The following CASZ1 variants were observed in gnomAD, a reference collection of about 807,000 sequenced individuals.
CASZ1 encodes zinc finger protein castor homolog 1.
CASZ1 carries 28 observed loss-of-function variants against 135.2 expected under a neutral mutation model. That is an observed-to-expected ratio of 0.21 (90% CI 0.15 to 0.28). The LOEUF (loss-of-function observed/expected upper bound fraction) is 0.28, where lower values mean the gene tolerates loss of function less well. CASZ1 is among the 10% of genes least tolerant of loss of function. The probability of loss-of-function intolerance (pLI) is 1.00; values close to 1 mark genes in which losing one functional copy is unlikely to be tolerated. For missense variants in CASZ1, 2,161 were observed against 2,453.3 expected, an observed-to-expected ratio of 0.88 and a Z score of 2.52; for synonymous variants, 1,068 against 1,073.4, an observed-to-expected ratio of 0.99 and a Z score of 0.10.
rs994964663 is a variant in CASZ1, at chr1:10,755,685, G to A, written c.-77+5016C>T. ...AGGAAGGAGGCCCAGGCTGGGGTTCGGCACCACCAGGTGGAACACTTGCCC... is the reference window on the plus strand; with the variant it reads ...AGGAAGGAGGCCCAGGCTGGGGTTCAGCACCACCAGGTGGAACACTTGCCC... On this transcript the variant is annotated intron_variant, in intron 2 of 20. Transcript: ENST00000377022. The surrounding 1 kb of genome is among the most constrained non-coding windows in gnomAD (Gnocchi z 4.3). Among the ~76,000 whole-genome samples, 4 of 152,092 alleles carry A rather than the reference G, an allele frequency of 2.6e-5. No individual in the cohort carries two copies. Among genetic ancestry groups the A allele is most frequent in the East Asian group, 1.9e-4 (1 of 5,176 alleles).
In CASZ1 at chr1:10,697,045, C is replaced by T. The variant is rs1638948884; in HGVS notation, c.-23-3133G>A. Among the ~76,000 whole-genome samples the T allele has an allele frequency of 6.6e-6, 1 of 152,216 alleles. No individual in the cohort carries two copies. The highest frequency in any genetic ancestry group is 2.1e-4 in the South Asian group (1 of 4,832). ...GGAAAGCCTCCACTCTGTCAAGTCC[C>T]TGGCCAGGTAGCCACAGGCTGAGTG... On this transcript the variant is annotated intron_variant, in intron 3 of 20. Transcript: ENST00000377022. This position sits in a 1 kb window ranked among gnomAD's most constrained non-coding sequence, Gnocchi z 4.7.
intron 2 of CASZ1, among the ~76,000 whole-genome samples, chr1:10,715,827 A>AC (rs1557527888): frequency 2.6e-5 from 2 of 77,330 alleles, no homozygotes; most frequent in African/African-American, 6.2e-5. Flanking sequence ...TCCAATCCGC[A>AC]CCTACAGCAC....
At chr1:10,728,304 C>A (rs1639633609) in intron 2 of CASZ1, among the ~76,000 whole-genome samples, 1 of 152,242 alleles carries the variant, frequency 6.6e-6, no homozygotes, top group Admixed American at 6.5e-5. Context: ...CATGGGACCA[C>A]CCTCCCGCCC....
rs979565650 is a variant in CASZ1 at position 10,759,820 on chromosome 1, C to G, written c.-77+881G>C. On this transcript the variant is annotated intron_variant, in intron 2 of 20. Coordinates refer to ENST00000377022, the MANE Select transcript of CASZ1 (RefSeq NM_001079843.3). This position sits in a 1 kb window ranked among gnomAD's most constrained non-coding sequence, Gnocchi z 4.2. ...ACACATAGGAAGAGCAGCCCCCGGCCCTGCCCTCCCCAGACATCCTCTAGG... is the reference window on the plus strand; with the variant it reads ...ACACATAGGAAGAGCAGCCCCCGGCGCTGCCCTCCCCAGACATCCTCTAGG... Among the ~76,000 whole-genome samples, 1 of 152,138 alleles carries G rather than the reference C, an allele frequency of 6.6e-6. No individual in the cohort carries two copies.
At position 10,777,546 on chromosome 1, in the gene CASZ1, G is replaced by A. The variant is rs916749832; in HGVS notation, c.-233-16689C>T. On this transcript the variant is annotated intron_variant, in intron 1 of 20. Transcript: ENST00000377022. The surrounding 1 kb of genome is among the most constrained non-coding windows in gnomAD (Gnocchi z 4.4). ...ACGCGAAAAACAGACGGAAGACCCC[G>A]TTAATTTTACTCTGCCCGGCTACTA... 6.6e-6 allele frequency among the ~76,000 whole-genome samples: 1 copy of A among 152,042 alleles called. No individual in the cohort carries two copies. The highest frequency in any genetic ancestry group is 1.5e-5 in the Non-Finnish European group (1 of 68,006).
intron 4 of CASZ1, among the ~76,000 whole-genome samples, chr1:10,690,842 C>T (rs959045280): frequency 3.3e-5 from 5 of 152,232 alleles, no homozygotes; most frequent in African/African-American, 7.2e-5. Flanking sequence ...CAAGGGCGAA[C>T]GCCTGCTCAG....
intron 4 of CASZ1, among the ~76,000 whole-genome samples, chr1:10,681,289 TG>T (rs1185188225): frequency 1.3e-5 from 2 of 151,886 alleles, no homozygotes; most frequent in Non-Finnish European, 1.5e-5. Flanking sequence ...TGGGTCGGGA[TG>T]GTGGAAGGGT....
Position 10,639,302 on chromosome 1 carries a change from GC to G in CASZ1, c.4919del (p.Gly1640AlafsTer203). ...GGTCGCCCGCGTCGCCCAGCGCCAG[GC>G]CCAGGCCGGCGGCCGCCGACTGCAG... The part of the protein sequence containing the change: ...LFLQSAAAGL[G>X]LALGDAGDPG... On this transcript the variant is annotated frameshift_variant, in exon 21 of 21. Transcript: ENST00000377022. LOFTEE classifies it high-confidence loss of function. The surrounding 1 kb of genome is among the most constrained non-coding windows in gnomAD (Gnocchi z 4.0). 1 of 1,395,328 alleles carries G rather than the reference GC, an allele frequency of 7.2e-7. No individual in the cohort carries two copies. The highest frequency in any genetic ancestry group is 1.5e-5 in the South Asian group (1 of 65,774). 86.4% of individuals were successfully genotyped at this position (1,395,328 alleles called of 1,614,324 possible).
chr1:10,655,513 C>T, intron 9 of CASZ1, 136 bp downstream of exon 9: 1 of 854,000 alleles, frequency 1.2e-6, no homozygotes, highest in Non-Finnish European at 1.8e-6. Context: ...TGTGCTGGGC[C>T]AGGGGAAAGA....
intron 4 of CASZ1, among the ~76,000 whole-genome samples, chr1:10,675,165 G>A (rs770190931): frequency 7.9e-5 from 12 of 152,194 alleles, no homozygotes; most frequent in Non-Finnish European, 1.5e-4. Context: ...CTGACGAAGT[G>A]ACTTATTAAA....
At position 10,767,845 on chromosome 1, in the gene CASZ1, G is replaced by T. The variant is rs1290112661; in HGVS notation, c.-233-6988C>A. ...ACTTCCCTCGCTGGCCCTGTCCACA[G>T]CCCTCGGCCCATGAGGAGGGCCACG... On this transcript the variant is annotated intron_variant, in intron 1 of 20. Coordinates refer to ENST00000377022, the MANE Select transcript of CASZ1 (RefSeq NM_001079843.3). This position sits in a 1 kb window ranked among gnomAD's most constrained non-coding sequence, Gnocchi z 4.2. Among the ~76,000 whole-genome samples the T allele has an allele frequency of 6.6e-6, 1 of 152,104 alleles. No homozygotes were observed. Among genetic ancestry groups the T allele is most frequent in the Non-Finnish European group, 1.5e-5 (1 of 68,022 alleles).
chr1:10,746,335 C>G (rs1465902235), intron 2 of CASZ1, among the ~76,000 whole-genome samples: 1 of 152,226 alleles, frequency 6.6e-6, no homozygotes, highest in Non-Finnish European at 1.5e-5. Flanking sequence ...TACCCCTGTT[C>G]CATCGAAACT....
In CASZ1 at chr1:10,711,034, G is replaced by T. The variant is rs563291674; in HGVS notation, c.-76-5490C>A. 2.6e-5 allele frequency among the ~76,000 whole-genome samples: 4 copies of T among 152,356 alleles called. No individual in the cohort carries two copies. In the South Asian group the frequency reaches 8.3e-4, roughly 32 times the overall value. On this transcript the variant is annotated intron_variant, in intron 2 of 20. Coordinates refer to ENST00000377022, the MANE Select transcript of CASZ1 (RefSeq NM_001079843.3). This position sits in a 1 kb window ranked among gnomAD's most constrained non-coding sequence, Gnocchi z 4.4. The stretch of plus-strand genomic sequence containing the variant: ...TAATCCCAGCTACTCGGGAGGCTGA[G>T]GCGTGAGAATCATTTGAACCCGGGA...
In CASZ1 at chr1:10,639,856, G is replaced by A; in HGVS notation, c.4366C>T (p.His1456Tyr). The A allele has an allele frequency of 1.2e-6, 2 of 1,612,060 alleles. No individual in the cohort carries two copies. The highest frequency in any genetic ancestry group is 1.7e-6 in the Non-Finnish European group (2 of 1,179,592). The stretch of plus-strand genomic sequence containing the variant: ...CAGTTCTCGCGCGTGCAGTGGTAGT[G>A]GGTGACCTTGAGCGAGAACTGACAA... The part of the protein sequence containing the change: ...AACQFSLKVT[H>Y]YHCTRENCGY... The change falls in exon 21 of 21, where the codon CAC becomes TAC. Residue 1456 changes from histidine (H) to tyrosine (Y), a missense_variant. Physicochemically the swap from His to Tyr is moderately conservative, Grantham distance 83. Coordinates refer to ENST00000377022, the MANE Select transcript of CASZ1 (RefSeq NM_001079843.3). This position sits in a 1 kb window ranked among gnomAD's most constrained non-coding sequence, Gnocchi z 4.0.
chr1:10,689,770 C>G (rs779462015), intron 4 of CASZ1, among the ~76,000 whole-genome samples: 4 of 152,348 alleles, frequency 2.6e-5, no homozygotes, highest in Admixed American at 6.5e-5. Flanking sequence ...CCACTCACCC[C>G]CTACTCCCAC....
At chr1:10,673,956 T>G (rs892670912) in intron 4 of CASZ1, among the ~76,000 whole-genome samples, 6 of 152,196 alleles carry the variant, frequency 3.9e-5, no homozygotes, top group Non-Finnish European at 2.9e-5. Context: ...TGAGGGCAAG[T>G]GCAGGCCTCT....
In CASZ1 at chr1:10,727,944, C is replaced by T. The variant is rs995469551; in HGVS notation, c.-76-22400G>A. Among the ~76,000 whole-genome samples, 16 of 152,334 alleles carry T rather than the reference C, an allele frequency of 1.1e-4. No homozygotes were observed. Among genetic ancestry groups the T allele is most frequent in the East Asian group, 3.9e-4 (2 of 5,172 alleles). ...AACACGTGGAAGGTTGAACTAACCC[C>T]GGGCGCGATGCCACGTGCCCAGAAA... On this transcript the variant is annotated intron_variant, in intron 2 of 20. Coordinates refer to ENST00000377022, the MANE Select transcript of CASZ1 (RefSeq NM_001079843.3). This position sits in a 1 kb window ranked among gnomAD's most constrained non-coding sequence, Gnocchi z 5.3.
At chr1:10,729,235 G>A (rs1421728525) in intron 2 of CASZ1, among the ~76,000 whole-genome samples, 1 of 152,204 alleles carries the variant, frequency 6.6e-6, no homozygotes, top group African/African-American at 2.4e-5. Context: ...GCCCAAGACA[G>A]GCCTGCGCTG....
At chr1:10,648,886 G>C in intron 15 of CASZ1, 184 bp downstream of exon 15, 2 of 771,580 alleles carry the variant, frequency 2.6e-6, no homozygotes, top group African/African-American at 1.8e-5. Flanking sequence ...CAGAGCCCCC[G>C]GCTGAGGGCT....
Sources: allele counts gnomAD v4.1 joint callset (sites outside exome capture counted in the v4.1 genomes callset), GRCh38; gene constraint gnomAD v4.1.1; non-coding constraint Gnocchi (gnomAD v3.1); transcripts MANE v1.5; gene names NCBI Gene and HGNC (gene_info 2026-07-23, HGNC 2026-07-21).